The following SPOCK3 variants were observed in gnomAD, a reference collection of about 807,000 sequenced individuals.
SPOCK3 encodes SPARC (osteonectin), cwcv and kazal like domains proteoglycan 3, also known as testican-3.
In SPOCK3, 30 loss-of-function variants were observed where a neutral mutation model predicts 56.6. The observed-to-expected ratio is 0.53, with a 90% CI of 0.40 to 0.72. The LOEUF (loss-of-function observed/expected upper bound fraction) is 0.72. SPOCK3 is among the 30% of genes least tolerant of loss of function. The probability of loss-of-function intolerance (pLI) is 0.00; values close to 1 mark genes in which losing one functional copy is unlikely to be tolerated. For synonymous variants in SPOCK3, 196 were observed against 183.3 expected, an observed-to-expected ratio of 1.07 and a Z score of -0.56; for missense variants, 527 against 530.0, an observed-to-expected ratio of 0.99 and a Z score of 0.06.
chr4:167,230,750 CAAAT>C (rs1030735296), intron 2 of SPOCK3, among the ~76,000 whole-genome samples: 5 of 151,908 alleles, frequency 3.3e-5, no homozygotes, highest in African/African-American at 1.2e-4. Flanking sequence ...TACTAATAAC[CAAAT>C]AAATTAATAA....
chr4:166,879,086 A>G (rs1733416483), intron 6 of SPOCK3, among the ~76,000 whole-genome samples: 1 of 152,226 alleles, frequency 6.6e-6, no homozygotes, highest in South Asian at 2.1e-4. Flanking sequence ...AACCTGGGGT[A>G]AAATCAGCCT....
chr4:167,227,868 A>G (rs1736749607), intron 2 of SPOCK3, among the ~76,000 whole-genome samples: 1 of 152,140 alleles, frequency 6.6e-6, no homozygotes. Flanking sequence ...AGCAACATAA[A>G]TGCTCTATAG....
chr4:167,128,902 G>T (rs1217284929), intron 2 of SPOCK3, among the ~76,000 whole-genome samples: 3 of 152,094 alleles, frequency 2.0e-5, no homozygotes, highest in Non-Finnish European at 4.4e-5. Context: ...GTGATGGATG[G>T]GGTTTATTGT....
chr4:167,207,975 G>C (rs1734516050), intron 2 of SPOCK3, among the ~76,000 whole-genome samples: 1 of 152,134 alleles, frequency 6.6e-6, no homozygotes, highest in South Asian at 2.1e-4. Context: ...AGCCAAGGAA[G>C]CCTGTTGTGT....
intron 4 of SPOCK3, among the ~76,000 whole-genome samples, chr4:166,995,007 A>C (rs1349041014): frequency 6.6e-6 from 1 of 152,174 alleles, no homozygotes; most frequent in East Asian, 1.9e-4. Flanking sequence ...AATGCTTAGA[A>C]GAATGTCTCA....
chr4:167,230,031 C>T (rs1025886394), intron 2 of SPOCK3, among the ~76,000 whole-genome samples: 1 of 151,968 alleles, frequency 6.6e-6, no homozygotes, highest in Non-Finnish European at 1.5e-5. Context: ...ATATGAGTTA[C>T]TTAAAAATTA....
At chr4:166,746,104 C>G (rs1735574690) in intron 8 of SPOCK3, among the ~76,000 whole-genome samples, 1 of 152,134 alleles carries the variant, frequency 6.6e-6, no homozygotes, top group Non-Finnish European at 1.5e-5. Flanking sequence ...CAAAGATATC[C>G]AGGCCTTGAA....
intron 7 of SPOCK3, among the ~76,000 whole-genome samples, chr4:166,791,796 A>C (rs1021641077): frequency 3.3e-5 from 5 of 152,142 alleles, no homozygotes; most frequent in Non-Finnish European, 7.3e-5. Flanking sequence ...TAATCTTGGA[A>C]AGGCTACCAT....
chr4:167,035,841 A>T (rs1366053702), intron 3 of SPOCK3, among the ~76,000 whole-genome samples: 1 of 152,212 alleles, frequency 6.6e-6, no homozygotes, highest in African/African-American at 2.4e-5. Flanking sequence ...GCCTACTATC[A>T]GGAGTTCCAC....
chr4:167,009,408 A>T (rs1386200640), intron 3 of SPOCK3, among the ~76,000 whole-genome samples: 1 of 152,204 alleles, frequency 6.6e-6, no homozygotes. Context: ...GGTTTAAAAA[A>T]TAATTACCAT....
intron 4 of SPOCK3, among the ~76,000 whole-genome samples, chr4:166,930,039 T>C (rs1208692642): frequency 6.6e-6 from 1 of 152,160 alleles, no homozygotes; most frequent in Admixed American, 6.5e-5. Context: ...AGAGTCATTT[T>C]GTTTTGGAAT....
At chr4:167,223,797 T>G (rs1021382828) in intron 2 of SPOCK3, among the ~76,000 whole-genome samples, 5 of 152,096 alleles carry the variant, frequency 3.3e-5, no homozygotes, top group Non-Finnish European at 5.9e-5. Flanking sequence ...AAAATTAAAT[T>G]AAAAGTGAAC....
At chr4:166,763,334 A>G (rs1737509980) in intron 7 of SPOCK3, among the ~76,000 whole-genome samples, 1 of 151,990 alleles carries the variant, frequency 6.6e-6, no homozygotes, top group Admixed American at 6.6e-5. Flanking sequence ...TAAAAGAAAG[A>G]CCTTCTAAAA....
chr4:167,011,194 T>C, intron 3 of SPOCK3: 1 of 431,868 alleles, frequency 2.3e-6, no homozygotes. Flanking sequence ...GAGTAAAAAA[T>C]ACAAAAAAAA....
intron 2 of SPOCK3, among the ~76,000 whole-genome samples, chr4:167,084,289 A>G (rs181104691): frequency 1.1e-3 from 170 of 152,276 alleles, no homozygotes; most frequent in Admixed American, 2.3e-3. Flanking sequence ...TCCAAACAGG[A>G]AATGTACATA....
chr4:167,090,522 A>C lies in SPOCK3; in HGVS notation c.190-27985T>G, dbSNP rs1201293402. Among the ~76,000 whole-genome samples, 3 of 149,694 alleles carry C rather than the reference A, an allele frequency of 2.0e-5. No homozygotes were observed. The East Asian group carries it at 5.8e-4, about 29-fold the overall frequency. Reference sequence around the variant, plus strand: ...GATATGGATTTATTTTTTTTTTTTGAGACAGAGTTTTGCTCTTGCTGCCTA... The same window carrying C: ...GATATGGATTTATTTTTTTTTTTTGCGACAGAGTTTTGCTCTTGCTGCCTA... On this transcript the variant is annotated intron_variant, in intron 2 of 10. Transcript: ENST00000357545.
At chr4:166,849,696 A>C (rs961900074) in intron 6 of SPOCK3, among the ~76,000 whole-genome samples, 1 of 152,174 alleles carries the variant, frequency 6.6e-6, no homozygotes, top group Non-Finnish European at 1.5e-5. Context: ...ACAACAATGT[A>C]ATTTTCGTCA....
At chr4:167,197,646 T>A (rs1282831783) in intron 2 of SPOCK3, among the ~76,000 whole-genome samples, 1 of 151,942 alleles carries the variant, frequency 6.6e-6, no homozygotes, top group Non-Finnish European at 1.5e-5. Flanking sequence ...GGAATAAACT[T>A]GTGAAATTTA....
At chr4:166,873,835 A>G (rs1732766968) in intron 6 of SPOCK3, among the ~76,000 whole-genome samples, 1 of 152,208 alleles carries the variant, frequency 6.6e-6, no homozygotes, top group Non-Finnish European at 1.5e-5. Flanking sequence ...CTCAATAGAA[A>G]CAAAAGGGAC....
Sources: allele counts gnomAD v4.1 joint callset (sites outside exome capture counted in the v4.1 genomes callset), GRCh38; gene constraint gnomAD v4.1.1; transcripts MANE v1.5; gene names NCBI Gene and HGNC (gene_info 2026-07-23, HGNC 2026-07-21).